ADK: variants seen among roughly 807,000 people sequenced by gnomAD.
ADK encodes adenosine kinase, also known as N6,N6-dimethyladenosine kinase.
A neutral mutation model predicts 44.7 loss-of-function variants in ADK; 24 were observed. The ratio of observed to expected loss-of-function variants is 0.54; its 90% CI spans 0.39 to 0.76. The LOEUF (loss-of-function observed/expected upper bound fraction) is 0.76. Among genes scored for constraint, ADK ranks in the 30% least tolerant of loss-of-function variants. ADK has a pLI of 0.00. For missense variants in ADK, 321 were observed against 425.1 expected (o/e 0.76, Z 2.15); for synonymous variants, 128 against 142.6 (o/e 0.90, Z 0.73).
intron 3 of ADK, among the ~76,000 whole-genome samples, chr10:74,288,421 A>C (rs1222381732): frequency 1.3e-5 from 2 of 152,158 alleles, no homozygotes; most frequent in Non-Finnish European, 2.9e-5. Context: ...AGGCTGAGGC[A>C]GGCGGATCAG....
intron 4 of ADK, among the ~76,000 whole-genome samples, chr10:74,328,500 C>T (rs1407403885): frequency 6.6e-6 from 1 of 152,076 alleles, no homozygotes; most frequent in African/African-American, 2.4e-5. Context: ...CTCTGTGTCC[C>T]CACCCAAACC....
chr10:74,368,910 C>T (rs1036985272), intron 4 of ADK, among the ~76,000 whole-genome samples: 1 of 152,132 alleles, frequency 6.6e-6, no homozygotes, highest in African/African-American at 2.4e-5. Context: ...TTAACAGACA[C>T]GAGCCACCGC....
Position 74,238,495 on chromosome 10 carries a change from A to T in ADK, c.194+13904A>T, listed in dbSNP as rs371972532. On this transcript the variant is annotated intron_variant, in intron 3 of 10. Transcript: ENST00000539909. ...TTCTAAAACTATTTTCTGGTATCGT[A>T]ATTATTCCTAATTACCTTGTGCACT... Among the ~76,000 whole-genome samples the T allele has an allele frequency of 2.4e-3, 360 of 152,282 alleles. 1 individual carries two copies. Among genetic ancestry groups the T allele is most frequent in the African/African-American group, 7.7e-3 (318 of 41,540 alleles).
At chr10:74,176,728 C>T in intron 1 of ADK, 1 of 1,494,632 alleles carries the variant, frequency 6.7e-7, no homozygotes, top group Non-Finnish European at 8.9e-7. Context: ...TAGCCAGGGG[C>T]CGCCCGCGCG....
intron 6 of ADK, among the ~76,000 whole-genome samples, chr10:74,477,517 T>A (rs1381070381): frequency 7.9e-5 from 12 of 152,218 alleles, no homozygotes; most frequent in South Asian, 2.1e-4. Flanking sequence ...CAAGATTTTT[T>A]AAAAGATAAT....
At chr10:74,298,233 A>G (rs931460305) in intron 3 of ADK, among the ~76,000 whole-genome samples, 1 of 152,210 alleles carries the variant, frequency 6.6e-6, no homozygotes, top group African/African-American at 2.4e-5. Flanking sequence ...TTACAACAGC[A>G]GAATTTTTCA....
At position 74,416,695 on chromosome 10, in the gene ADK, G is replaced by A. The variant is rs548002340; in HGVS notation, c.555+18116G>A. 7.3e-5 allele frequency among the ~76,000 whole-genome samples: 11 copies of A among 151,312 alleles called. No individual in the cohort carries two copies. The South Asian group carries it at 1.7e-3, about 23-fold the overall frequency. On this transcript the variant is annotated intron_variant, in intron 6 of 10. Transcript: ENST00000539909. ...CAGTCTCTCAACTCTTTTCAGCTCTGCTGTCCTAACTAATCATTTTTTGTA... is the reference window on the plus strand; with the variant it reads ...CAGTCTCTCAACTCTTTTCAGCTCTACTGTCCTAACTAATCATTTTTTGTA...
chr10:74,581,837 A>G (rs1216241154), intron 7 of ADK, among the ~76,000 whole-genome samples: 1 of 152,214 alleles, frequency 6.6e-6, no homozygotes, highest in African/African-American at 2.4e-5. Flanking sequence ...ATACCTTTCA[A>G]AAACAAAAGC....
intron 6 of ADK, among the ~76,000 whole-genome samples, chr10:74,423,026 G>C (rs1844621178): frequency 6.6e-6 from 1 of 150,630 alleles, no homozygotes; most frequent in Admixed American, 6.6e-5. Flanking sequence ...ACAAGATATG[G>C]ATGTAGATGC....
At chr10:74,310,474 A>T (rs1840396405) in intron 3 of ADK, among the ~76,000 whole-genome samples, 1 of 151,976 alleles carries the variant, frequency 6.6e-6, no homozygotes, top group African/African-American at 2.4e-5. Context: ...CAACCTCAGA[A>T]TTTTCATCCC....
At chr10:74,440,282 A>G (rs954641870) in intron 6 of ADK, among the ~76,000 whole-genome samples, 5 of 152,102 alleles carry the variant, frequency 3.3e-5, no homozygotes, top group Admixed American at 6.5e-5. Flanking sequence ...TCTGTTATCC[A>G]TTTGAAAAAT....
At chr10:74,419,330 C>T (rs113708728) in intron 6 of ADK, among the ~76,000 whole-genome samples, 1 of 152,054 alleles carries the variant, frequency 6.6e-6, no homozygotes, top group Admixed American at 6.6e-5. Context: ...TTTCCCCCCC[C>T]CAAAAATCCC....
intron 10 of ADK, among the ~76,000 whole-genome samples, chr10:74,680,415 T>C (rs772733191): frequency 3.9e-5 from 6 of 152,146 alleles, no homozygotes; most frequent in Non-Finnish European, 7.3e-5. Context: ...GTTGTAGGTA[T>C]ACTTATAAAA....
intron 3 of ADK, among the ~76,000 whole-genome samples, chr10:74,307,269 C>A (rs957501112): frequency 6.6e-6 from 1 of 152,210 alleles, no homozygotes; most frequent in Non-Finnish European, 1.5e-5. Context: ...TGGTTAACCT[C>A]TTTAACTTAG....
chr10:74,443,798 T>G (rs1845504280), intron 6 of ADK, among the ~76,000 whole-genome samples: 1 of 152,128 alleles, frequency 6.6e-6, no homozygotes, highest in Non-Finnish European at 1.5e-5. Flanking sequence ...TCCAAGGAGA[T>G]TAATATTTAA....
intron 6 of ADK, among the ~76,000 whole-genome samples, chr10:74,470,024 CTTT>C (rs372745779): frequency 2.3e-5 from 3 of 133,274 alleles, no homozygotes; most frequent in Middle Eastern, 4.0e-3. Context: ...TATATACCAC[CTTT>C]TTTTTTTTTT....
chr10:74,650,329 A>C (rs1854214100), intron 9 of ADK, among the ~76,000 whole-genome samples: 1 of 152,130 alleles, frequency 6.6e-6, no homozygotes, highest in South Asian at 2.1e-4. Context: ...CTGAGGCAGG[A>C]GAATCACTTG....
At chr10:74,409,806 A>G (rs1433773576) in intron 6 of ADK, among the ~76,000 whole-genome samples, 1 of 152,204 alleles carries the variant, frequency 6.6e-6, no homozygotes, top group East Asian at 1.9e-4. Context: ...ATTCATACTT[A>G]CAAAGAAACA....
chr10:74,464,989 A>G (rs1014822433), intron 6 of ADK, among the ~76,000 whole-genome samples: 3 of 152,230 alleles, frequency 2.0e-5, no homozygotes, highest in African/African-American at 7.2e-5. Flanking sequence ...AGCAGCGACC[A>G]GGTAAATATT....
Sources: allele counts gnomAD v4.1 joint callset (sites outside exome capture counted in the v4.1 genomes callset), GRCh38; gene constraint gnomAD v4.1.1; transcripts MANE v1.5; gene names NCBI Gene and HGNC (gene_info 2026-07-23, HGNC 2026-07-21).